Variants in MOB4 observed in about 807,000 individuals in gnomAD.
The protein encoded by MOB4 is MOB family member 4, phocein.
Under a neutral mutation model 32.2 loss-of-function variants are expected in MOB4, and 4 were observed. The observed-to-expected ratio is 0.12, with a 90% CI of 0.06 to 0.28. The LOEUF (loss-of-function observed/expected upper bound fraction) is 0.28, where lower values mean the gene tolerates loss of function less well. Among genes scored for constraint, MOB4 ranks in the 10% least tolerant of loss-of-function variants. The pLI, the probability that MOB4 is intolerant of heterozygous loss-of-function variation, is 1.00. For synonymous variants in MOB4, 88 were observed against 88.1 expected (o/e 1.00, Z 0.01); for missense variants, 158 against 271.2 (o/e 0.58, Z 2.93).
chr2:197,519,161 G>A (rs2086470396), intron 1 of MOB4, among the ~76,000 whole-genome samples: 1 of 152,200 alleles, frequency 6.6e-6, no homozygotes, highest in Non-Finnish European at 1.5e-5. Context: ...CTCCCAAAGT[G>A]CTGGGATTAC....
rs1244093081 is a variant in MOB4 at position 197,535,566 on chromosome 2, A to G, written c.160A>G (p.Ile54Val). The change falls in exon 3 of 8, where the codon ATT (isoleucine) becomes GTT (valine). Residue 54 changes from isoleucine (I) to valine (V), a missense_variant. Around this residue, in one of 6 missense-constraint regions of MOB4, gnomAD observed 25 missense variants for 70.9 expected, o/e 0.35. Transcript: ENST00000323303. ...GAACATAAGAGCAGATTGCTCCAAT[A>G]TTGACAAAATTCTTGAACCACCTGA... ...QQNIRADCSN[I>V]DKILEPPEGQ... is the part of the protein sequence containing the mutation. 6.2e-7 allele frequency: 1 copy of G among 1,612,916 alleles called. No homozygotes were observed. Among genetic ancestry groups the G allele is most frequent in the Non-Finnish European group, 8.5e-7 (1 of 1,179,764 alleles).
At chr2:197,530,310 C>T (rs888840672) in intron 2 of MOB4, among the ~76,000 whole-genome samples, 1 of 151,244 alleles carries the variant, frequency 6.6e-6, no homozygotes, top group African/African-American at 2.4e-5. Context: ...ACTCTGTTGC[C>T]AGGCTGGAGT....
In MOB4 at chr2:197,523,622, A is replaced by G; in HGVS notation, c.61-2A>G. 1 of 1,607,906 alleles carries G rather than the reference A, an allele frequency of 6.2e-7. No homozygotes were observed. The highest frequency in any genetic ancestry group is 8.5e-7 in the Non-Finnish European group (1 of 1,178,538). ...GCTTTAACCGTGAATTTATTTTTATAGGATTTCTATAATTGGCCTGATGAA... is the reference window on the plus strand; with the variant it reads ...GCTTTAACCGTGAATTTATTTTTATGGGATTTCTATAATTGGCCTGATGAA... On this transcript the variant is annotated splice_acceptor_variant, in intron 1 of 7. Transcript: ENST00000323303. LOFTEE classifies it high-confidence loss of function.
At chr2:197,543,275 C>CAG (rs1469821895) in intron 5 of MOB4, among the ~76,000 whole-genome samples, 1 of 152,056 alleles carries the variant, frequency 6.6e-6, no homozygotes, top group African/African-American at 2.4e-5. Context: ...GCCTATGTGA[C>CAG]AGAGAGAGAC....
chr2:197,540,791 A>G (rs900798884), intron 5 of MOB4, among the ~76,000 whole-genome samples: 2 of 152,180 alleles, frequency 1.3e-5, no homozygotes, highest in Non-Finnish European at 2.9e-5. Context: ...GATTACTCTG[A>G]TGCCTAGTTT....
chr2:197,540,232 C>T, intron 4 of MOB4, 79 bp downstream of exon 4: 2 of 1,530,728 alleles, frequency 1.3e-6, no homozygotes, highest in East Asian at 2.3e-5. Flanking sequence ...AATGTGCTTA[C>T]AAAAACGTAT....
chr2:197,532,172 G>A (rs2086717410), intron 2 of MOB4, among the ~76,000 whole-genome samples: 1 of 152,182 alleles, frequency 6.6e-6, no homozygotes, highest in African/African-American at 2.4e-5. Context: ...GCCTCCCAAA[G>A]TGCTGGGATT....
chr2:197,535,048 T>A (rs528098251), intron 2 of MOB4, among the ~76,000 whole-genome samples: 1 of 152,074 alleles, frequency 6.6e-6, no homozygotes, highest in East Asian at 1.9e-4. Flanking sequence ...TATGGTGAAA[T>A]CCTGTATCTA....
Position 197,548,761 on chromosome 2 carries a change from A to G in MOB4, c.434+346A>G, listed in dbSNP as rs540737495. On this transcript the variant is annotated intron_variant, in intron 6 of 7. Transcript: ENST00000323303. Reference sequence around the variant, plus strand: ...GAAATTAGGACTGTGGTTAAACAGCAGAACTTGGCTGTCAAAGCTCAAGGC... The same window carrying G: ...GAAATTAGGACTGTGGTTAAACAGCGGAACTTGGCTGTCAAAGCTCAAGGC... Among the ~76,000 whole-genome samples, 4 of 152,288 alleles carry G rather than the reference A, an allele frequency of 2.6e-5. No individual in the cohort carries two copies. The South Asian group carries it at 6.2e-4, about 24-fold the overall frequency.
intron 5 of MOB4, among the ~76,000 whole-genome samples, chr2:197,546,758 C>T (rs949628720): frequency 2.6e-5 from 4 of 152,120 alleles, no homozygotes; most frequent in Non-Finnish European, 2.9e-5. Flanking sequence ...TGAACAACTC[C>T]GGGATTGGGA....
At chr2:197,550,239 A>C in intron 6 of MOB4, 36 bp from the exon 7 acceptor site, 5 of 1,571,882 alleles carry the variant, frequency 3.2e-6, no homozygotes, top group Non-Finnish European at 4.3e-6. Flanking sequence ...GATTCTATCC[A>C]GTTCTAAGAA....
In MOB4 at chr2:197,550,733, A is replaced by G. The variant is rs1179283206; in HGVS notation, c.*87A>G. On this transcript the variant is annotated 3_prime_UTR_variant, in exon 8 of 8. Transcript: ENST00000323303. ...TTAGACACATCAATCATGTATCCAT[A>G]TTATAGCTTCTTTGTTTAGTATAGG... The G allele has an allele frequency of 1.4e-6, 2 of 1,419,918 alleles. No homozygotes were observed. The highest frequency in any genetic ancestry group is 1.8e-6 in the Non-Finnish European group (2 of 1,083,312). 88.0% of individuals were successfully genotyped at this position (1,419,918 alleles called of 1,614,324 possible). A position where few individuals can be genotyped will look rare whatever the true frequency, so the allele number is the denominator to read the frequency against.
chr2:197,523,144 A>C (rs77102614), intron 1 of MOB4, among the ~76,000 whole-genome samples: 3 of 151,888 alleles, frequency 2.0e-5, no homozygotes, highest in Non-Finnish European at 4.4e-5. Context: ...TTTTTGAGAG[A>C]TATTTAACCA....
intron 2 of MOB4, among the ~76,000 whole-genome samples, chr2:197,531,930 T>C (rs1350157094): frequency 2.6e-5 from 4 of 152,104 alleles, no homozygotes; most frequent in African/African-American, 4.8e-5. Flanking sequence ...GACTTTTTTT[T>C]TGAGATAGAG....
In MOB4 at chr2:197,548,134, C is replaced by T. The variant is rs569211744; in HGVS notation, c.355-202C>T. On this transcript the variant is annotated intron_variant, in intron 5 of 7. Coordinates refer to ENST00000323303, the MANE Select transcript of MOB4 (RefSeq NM_015387.5). ...AATGGGAGACTGGTTTATGTATCAT[C>T]TAGAATTGTGATATGGTTCAAGGGG... Among the ~76,000 whole-genome samples, 35 of 152,212 alleles carry T rather than the reference C, an allele frequency of 2.3e-4. 1 individual carries two copies. The highest frequency in any genetic ancestry group is 8.4e-4 in the African/African-American group (35 of 41,530).
chr2:197,526,168 G>T (rs1477192039), intron 2 of MOB4, among the ~76,000 whole-genome samples: 3 of 152,038 alleles, frequency 2.0e-5, no homozygotes, highest in Admixed American at 6.6e-5. Flanking sequence ...GTTCACTATG[G>T]ATTTTTCATA....
chr2:197,542,744 A>G (rs904624151), intron 5 of MOB4, among the ~76,000 whole-genome samples: 2 of 152,266 alleles, frequency 1.3e-5, no homozygotes, highest in Admixed American at 6.5e-5. Flanking sequence ...ACACCATTAC[A>G]TAGTATTTTG....
chr2:197,521,632 C>A (rs1256126602), intron 1 of MOB4, among the ~76,000 whole-genome samples: 1 of 152,152 alleles, frequency 6.6e-6, no homozygotes, highest in Admixed American at 6.5e-5. Flanking sequence ...CCAAGGGGGC[C>A]GTCTATAGAC....
intron 2 of MOB4, among the ~76,000 whole-genome samples, chr2:197,531,111 G>A (rs1286375117): frequency 7.3e-5 from 11 of 150,130 alleles, no homozygotes; most frequent in African/African-American, 2.7e-4. Context: ...GCAGTGGCGC[G>A]ATCTCGGCTC....
Sources: allele counts gnomAD v4.1 joint callset (sites outside exome capture counted in the v4.1 genomes callset), GRCh38; gene constraint gnomAD v4.1.1; regional missense constraint gnomAD v4.1.1; transcripts MANE v1.5; gene names NCBI Gene and HGNC (gene_info 2026-07-23, HGNC 2026-07-21).